ANKRD26: variants seen among roughly 807,000 people sequenced by gnomAD.
ANKRD26 encodes ankyrin repeat domain 26, also known as ankyrin repeat domain-containing protein 26.
In ANKRD26, 141 loss-of-function variants were observed where a neutral mutation model predicts 208.7. The ratio of observed to expected loss-of-function variants is 0.68; its 90% CI spans 0.59 to 0.78. ANKRD26 has a LOEUF of 0.78. Among genes scored for constraint, ANKRD26 ranks in the 30% least tolerant of loss-of-function variants. The probability of loss-of-function intolerance (pLI) is 0.00; values close to 1 mark genes in which losing one functional copy is unlikely to be tolerated. For synonymous variants in ANKRD26, 636 were observed against 660.4 expected, an observed-to-expected ratio of 0.96 and a Z score of 0.57; for missense variants, 1,889 against 1,938.7, an observed-to-expected ratio of 0.97 and a Z score of 0.48.
At chr10:26,951,007 TC>T in the ANKRD26 span, among the ~76,000 whole-genome samples, 22 of 109,684 alleles carry the variant, frequency 2.0e-4, no homozygotes, top group South Asian at 3.1e-4. Flanking sequence ...TTTTTTCTTT[TC>T]TTTTCTTTTT....
rs1564388490 is a variant in ANKRD26 at position 27,047,739 on chromosome 10, A to ATTATT, written c.1814+1061_1814+1062insAATAA. ...TACTACTACTAATAATAATAATAATAATTATTATTATTATTATTATTGGAG... is the reference window on the plus strand; with the variant it reads ...TACTACTACTAATAATAATAATAATATTATTATTATTATTATTATTATTATTGGAG... On this transcript the variant is annotated intron_variant, in intron 17 of 33. Coordinates refer to ENST00000376087, the MANE Select transcript of ANKRD26 (RefSeq NM_014915.3). Among the ~76,000 whole-genome samples, 183 of 49,318 alleles carry ATTATT rather than the reference A, an allele frequency of 3.7e-3. 1 individual carries two copies. The highest frequency in any genetic ancestry group is 6.6e-3 in the African/African-American group (177 of 26,632). The allele number at this position is 49,318 out of a possible 152,430, so 32.4% of individuals were successfully genotyped here.
intron 13 of ANKRD26, 98 bp downstream of exon 13, chr10:27,061,046 T>C: frequency 3.2e-6 from 3 of 934,944 alleles, no homozygotes; most frequent in Non-Finnish European, 5.2e-6. Flanking sequence ...CTTGGATATA[T>C]AACTTATTTC....
chr10:27,097,018 C>T (rs1255701532), intron 1 of ANKRD26, among the ~76,000 whole-genome samples: 1 of 150,920 alleles, frequency 6.6e-6, no homozygotes, highest in Non-Finnish European at 1.5e-5. Context: ...CCCATCTATA[C>T]TAAAAATACA....
intron 7 of ANKRD26, 128 bp from the exon 8 acceptor site, chr10:27,077,821 G>C (rs981674086): frequency 1.1e-5 from 9 of 847,050 alleles, no homozygotes; most frequent in Non-Finnish European, 1.7e-5. Context: ...GAGTCACTCA[G>C]ATGTAGATTT....
At chr10:27,080,557 A>G in intron 6 of ANKRD26, 1 of 907,038 alleles carries the variant, frequency 1.1e-6, no homozygotes, top group Non-Finnish European at 1.3e-6. Flanking sequence ...ATACCTAAAG[A>G]GAAAGAATGC....
Position 27,090,969 on chromosome 10 carries a change from G to A in ANKRD26, c.638+1437C>T, listed in dbSNP as rs554093955. ...AAATTAGCTGGATGTGGTGGCACAT[G>A]CCTGTAGTCCCAGCTACTCAGGAGG... is the stretch of plus-strand genomic sequence containing the variant. On this transcript the variant is annotated intron_variant, in intron 4 of 33. Transcript: ENST00000376087. 3.1e-4 allele frequency among the ~76,000 whole-genome samples: 47 copies of A among 152,286 alleles called. 1 individual carries two copies. The South Asian group carries it at 5.8e-3, about 19-fold the overall frequency.
At chr10:27,023,094 C>G (rs1468234150) in intron 28 of ANKRD26, among the ~76,000 whole-genome samples, 1 of 152,132 alleles carries the variant, frequency 6.6e-6, no homozygotes, top group African/African-American at 2.4e-5. Context: ...TTTGGGAGAC[C>G]GAGCCAGGCG....
chr10:27,070,623 C>T (rs1440482427), intron 9 of ANKRD26, among the ~76,000 whole-genome samples: 1 of 151,836 alleles, frequency 6.6e-6, no homozygotes, highest in Non-Finnish European at 1.5e-5. Flanking sequence ...ATAAAATGTC[C>T]TCATTGCTGG....
At chr10:27,003,040 G>C (rs965862072), downstream of ANKRD26, among the ~76,000 whole-genome samples, 2 of 152,134 alleles carry the variant, frequency 1.3e-5, no homozygotes, top group African/African-American at 4.8e-5. Context: ...TATGTCATAG[G>C]AACGTTATGT....
At chr10:27,074,114 A>AG (rs933634265) in intron 9 of ANKRD26, among the ~76,000 whole-genome samples, 1 of 151,968 alleles carries the variant, frequency 6.6e-6, no homozygotes, top group Non-Finnish European at 1.5e-5. Context: ...GGTAATATGA[A>AG]AAAACAGCAT....
Position 27,100,084 on chromosome 10 carries a change from C to T in ANKRD26, c.242+1G>A. The T allele has an allele frequency of 1.2e-6, 2 of 1,613,932 alleles. No homozygotes were observed. Among genetic ancestry groups the T allele is most frequent in the South Asian group, 1.1e-5 (1 of 91,074 alleles). Reference sequence around the variant, plus strand: ...CAGTCCGGGCTTGCGACGCCTATTACCTGTTCATCTTGTCTCTATCGTTCA... The same window carrying T: ...CAGTCCGGGCTTGCGACGCCTATTATCTGTTCATCTTGTCTCTATCGTTCA... On this transcript the variant is annotated splice_donor_variant, in intron 1 of 33. Coordinates refer to ENST00000376087, the MANE Select transcript of ANKRD26 (RefSeq NM_014915.3). LOFTEE classifies it high-confidence loss of function.
At chr10:27,077,182 A>AG in intron 9 of ANKRD26, 156 bp downstream of exon 9, 1 of 659,278 alleles carries the variant, frequency 1.5e-6, no homozygotes. Context: ...TCAAGGATGC[A>AG]GGGATGGTTC....
chr10:26,984,696 G>T (rs562983764), intron 3 of ANKRD26, among the ~76,000 whole-genome samples: 1 of 152,124 alleles, frequency 6.6e-6, no homozygotes, highest in African/African-American at 2.4e-5. Flanking sequence ...AAGTTGGGTC[G>T]GTTATTTGGG....
Position 26,995,481 on chromosome 10 carries a change from C to T in ANKRD26, c.563-334G>A, listed in dbSNP as rs536046201. Among the ~76,000 whole-genome samples the T allele has an allele frequency of 5.9e-5, 9 of 152,286 alleles. No homozygotes were observed. The East Asian group carries it at 1.5e-3, about 26-fold the overall frequency. ...ACCCCAGATGCAATTCCTCCACTTT[C>T]ATATGCTAAAAAAAGGAAGGCAGAG... On this transcript the variant is annotated intron_variant, in intron 4 of 5. Transcript: ENST00000445828.
rs1407678049 is a variant in ANKRD26 at position 27,046,390 on chromosome 10, C to T, written c.1948G>A (p.Asp650Asn). Reference sequence around the variant, plus strand: ...TCATCTATTTCACTTAAACTGCTGTCATCATCCACTTGTAGCAGGCCACCA... The same window carrying T: ...TCATCTATTTCACTTAAACTGCTGTTATCATCCACTTGTAGCAGGCCACCA... ...LTGGLLQVDD[D>N]SSLSEIDEDE... The change falls in exon 18 of 34, where the codon GAC (aspartate) becomes AAC (asparagine). Residue 650 changes from aspartate to asparagine, a missense_variant. This residue lies in a region of ANKRD26 where 1,272 missense variants were observed against 1,273.8 expected (regional missense o/e 1.00). Coordinates refer to ENST00000376087, the MANE Select transcript of ANKRD26 (RefSeq NM_014915.3). The T allele has an allele frequency of 3.1e-6, 5 of 1,614,102 alleles. No homozygotes were observed. The Admixed American group carries it at 8.3e-5, about 27-fold the overall frequency.
intron 4 of ANKRD26, among the ~76,000 whole-genome samples, chr10:26,982,630 A>G (rs1039249920): frequency 6.6e-6 from 1 of 152,022 alleles, no homozygotes. Flanking sequence ...AAAGAAGAAA[A>G]AAAGAAAAAC....
intron 27 of ANKRD26, 36 bp downstream of exon 27, chr10:27,028,816 C>T (rs775031806): frequency 2.0e-6 from 3 of 1,529,886 alleles, no homozygotes; most frequent in Non-Finnish European, 2.7e-6. Flanking sequence ...AATAAAATTC[C>T]TTTTCAGTAC....
intron 27 of ANKRD26, 25 bp downstream of exon 27, chr10:27,028,827 G>A (rs200086480): frequency 8.2e-6 from 13 of 1,575,942 alleles, no homozygotes; most frequent in African/African-American, 4.0e-5. Context: ...TTTTCAGTAC[G>A]ACAGAAATTA....
Position 27,082,789 on chromosome 10 carries a change from C to G in ANKRD26, c.740+14G>C. 1 of 1,574,976 alleles carries G rather than the reference C, an allele frequency of 6.3e-7. No homozygotes were observed. Among genetic ancestry groups the G allele is most frequent in the Non-Finnish European group, 8.6e-7 (1 of 1,159,406 alleles). ...TTCCTTTAAATATATTTTTAAAAAT[C>G]TGTAAAATACTACCTGCTTAAGGAG... On this transcript the variant is annotated intron_variant, in intron 6 of 33. Transcript: ENST00000376087.
Sources: gnomAD v4.1 joint callset for allele counts (sites outside exome capture counted in the v4.1 genomes callset) on GRCh38, gnomAD v4.1.1 for gene constraint, gnomAD v4.1.1 regional missense constraint, MANE v1.5 for transcripts, NCBI Gene and HGNC (gene_info 2026-07-23, HGNC 2026-07-21) for gene names.